The following MYBPC1 variants were observed in gnomAD, a reference collection of about 807,000 sequenced individuals.
MYBPC1 encodes myosin binding protein C1.
In MYBPC1, 52 loss-of-function variants were observed where a neutral mutation model predicts 147.1. That is an observed-to-expected ratio of 0.35 (90% confidence interval 0.28 to 0.45). The LOEUF (loss-of-function observed/expected upper bound fraction) is 0.45. MYBPC1 is among the 20% of genes least tolerant of loss of function. MYBPC1 has a pLI of 1.00. For missense variants in MYBPC1, 1,228 were observed against 1,440.3 expected (o/e 0.85, Z 2.39); for synonymous variants, 477 against 475.9 (o/e 1.00, Z -0.03).
chr12:101,678,261 C>G (rs200603458), intron 28 of MYBPC1, 23 bp downstream of exon 28: 20 of 1,612,602 alleles, frequency 1.2e-5, no homozygotes, highest in Non-Finnish European at 1.7e-5. Flanking sequence ...TCTATCACAT[C>G]AGTTAAAGTC....
chr12:101,644,209 G>A (rs985298219), intron 11 of MYBPC1, among the ~76,000 whole-genome samples: 1 of 151,900 alleles, frequency 6.6e-6, no homozygotes, highest in Non-Finnish European at 1.5e-5. Flanking sequence ...ACTAATTTTT[G>A]TATTTTTAGA....
At chr12:101,620,143 T>C (rs909911901) in intron 3 of MYBPC1, among the ~76,000 whole-genome samples, 1 of 152,178 alleles carries the variant, frequency 6.6e-6, no homozygotes, top group Non-Finnish European at 1.5e-5. Flanking sequence ...TCTTCTGGAA[T>C]TGAAACAAGA....
At chr12:101,673,655 T>A (rs1252085534) in intron 25 of MYBPC1, 33 bp downstream of exon 25, 1 of 1,610,248 alleles carries the variant, frequency 6.2e-7, no homozygotes, top group South Asian at 1.1e-5. Context: ...GAAAGTTCTG[T>A]CAAAGCAGTA....
intron 2 of MYBPC1, chr12:101,614,799 A>T (rs1466761295): frequency 5.7e-6 from 3 of 527,760 alleles, no homozygotes; most frequent in Middle Eastern, 1.0e-3. Context: ...TGTAAAAGTT[A>T]TTATGTCCGC....
chr12:101,617,472 A>C (rs868467294), intron 3 of MYBPC1, among the ~76,000 whole-genome samples: 3 of 152,230 alleles, frequency 2.0e-5, no homozygotes, highest in Non-Finnish European at 4.4e-5. Flanking sequence ...TATCACAAGC[A>C]CTTGTTGAGA....
rs11831983 is a variant in MYBPC1, at chr12:101,657,633, A to G, written c.1768-2039A>G. On this transcript the variant is annotated intron_variant, in intron 18 of 31. Transcript: ENST00000361466. ...TCCTTGAAAGATACAATCTTCTAAA[A>G]CTCACACAAGAAGAAATAGGCAATC... 9.1e-3 allele frequency among the ~76,000 whole-genome samples: 1,386 copies of G among 152,292 alleles called. 13 individuals carry two copies. The highest frequency in any genetic ancestry group is 0.031 in the African/African-American group (1,286 of 41,564).
At chr12:101,604,117 G>A (rs1359346440) in intron 1 of MYBPC1, among the ~76,000 whole-genome samples, 1 of 152,172 alleles carries the variant, frequency 6.6e-6, no homozygotes, top group Non-Finnish European at 1.5e-5. Flanking sequence ...TTAAAACATG[G>A]TAAGAGTAGT....
chr12:101,599,180 T>G (rs1313666927), intron 1 of MYBPC1, among the ~76,000 whole-genome samples: 2 of 152,184 alleles, frequency 1.3e-5, no homozygotes, highest in Non-Finnish European at 2.9e-5. Flanking sequence ...TCTGATAACT[T>G]TAGGAAGCAA....
At chr12:101,603,756 A>G (rs993659946) in intron 1 of MYBPC1, among the ~76,000 whole-genome samples, 3 of 152,172 alleles carry the variant, frequency 2.0e-5, no homozygotes, top group Non-Finnish European at 2.9e-5. Flanking sequence ...AGCCCAAGCA[A>G]CATGGTGAAA....
At position 101,661,916 on chromosome 12, in the gene MYBPC1, G is replaced by GAAAGAAAGAAAGAAAGA. The variant is rs34570818; in HGVS notation, c.2033-435_2033-434insGAAAGAAAGAAAAGAAA. Among the ~76,000 whole-genome samples the GAAAGAAAGAAAGAAAGA allele has an allele frequency of 4.6e-4, 58 of 124,884 alleles. 1 individual carries two copies. The East Asian group carries it at 0.012, about 25-fold the overall frequency. The allele number at this position is 124,884 out of a possible 152,430, so 81.9% of individuals were successfully genotyped here. On this transcript the variant is annotated intron_variant, in intron 20 of 31. Coordinates refer to ENST00000361466, the MANE Select transcript of MYBPC1 (RefSeq NM_002465.4). ...TGTCTCAAAAAAAAAAAAAAAAAAA[G>GAAAGAAAGAAAGAAAGA]AAAGAAAAAATATTTAAATGCTTAG... is the stretch of plus-strand genomic sequence containing the variant.
intron 22 of MYBPC1, 69 bp downstream of exon 22, chr12:101,663,629 T>C: frequency 6.5e-7 from 1 of 1,536,184 alleles, no homozygotes; most frequent in Non-Finnish European, 8.9e-7. Flanking sequence ...CCCTTTCTTT[T>C]GTCTCTCTTT....
At chr12:101,622,640 CAGA>C (rs2135937401) in intron 3 of MYBPC1, among the ~76,000 whole-genome samples, 1 of 152,156 alleles carries the variant, frequency 6.6e-6, no homozygotes, top group African/African-American at 2.4e-5. Flanking sequence ...GAGACCGAGG[CAGA>C]AGAATTGCTT....
At chr12:101,645,403 T>C (rs1892886607) in intron 12 of MYBPC1, among the ~76,000 whole-genome samples, 1 of 152,232 alleles carries the variant, frequency 6.6e-6, no homozygotes, top group Non-Finnish European at 1.5e-5. Context: ...ATCTCCAGTC[T>C]ATTATAAAAC....
intron 29 of MYBPC1, 46 bp downstream of exon 29, chr12:101,680,575 C>A (rs1056285492): frequency 2.5e-6 from 4 of 1,596,486 alleles, no homozygotes; most frequent in Admixed American, 1.7e-5. Context: ...TAAAGAAAAT[C>A]ATTGAATTAT....
intron 1 of MYBPC1, among the ~76,000 whole-genome samples, chr12:101,614,234 C>G (rs1885235466): frequency 6.6e-6 from 1 of 152,158 alleles, no homozygotes; most frequent in Admixed American, 6.5e-5. Context: ...CATCACTACA[C>G]CATGCCACCT....
intron 1 of MYBPC1, among the ~76,000 whole-genome samples, chr12:101,601,744 G>A (rs1880073772): frequency 4.0e-5 from 6 of 151,622 alleles, no homozygotes; most frequent in Admixed American, 3.9e-4. Context: ...TTTTTGATGT[G>A]TATTTAGCTA....
intron 25 of MYBPC1, among the ~76,000 whole-genome samples, chr12:101,675,025 C>T (rs545960771): frequency 3.9e-5 from 6 of 152,150 alleles, no homozygotes; most frequent in South Asian, 2.1e-4. Context: ...GGGTCATTCC[C>T]TTTAAACTAA....
intron 3 of MYBPC1, among the ~76,000 whole-genome samples, chr12:101,618,983 A>G (rs1041166289): frequency 6.6e-6 from 1 of 152,016 alleles, no homozygotes; most frequent in East Asian, 1.9e-4. Context: ...TGGGATAGAA[A>G]GTGACATCCC....
At position 101,680,203 on chromosome 12, in the gene MYBPC1, G is replaced by A; in HGVS notation, c.3247-140G>A. 4.9e-6 allele frequency: 4 copies of A among 810,140 alleles called. No homozygotes were observed. The South Asian group carries it at 6.1e-5, about 12-fold the overall frequency. The allele number at this position is 810,140 out of a possible 1,614,324, so 50.2% of individuals were successfully genotyped here. A position where few individuals can be genotyped will look rare whatever the true frequency, so the allele number is the denominator to read the frequency against. ...TAAGTAGAGTTTAATGTGAGAAATAGTGTCAAGTAAAAGTCTATCCTTCTC... is the reference window on the plus strand; with the variant it reads ...TAAGTAGAGTTTAATGTGAGAAATAATGTCAAGTAAAAGTCTATCCTTCTC... On this transcript the variant is annotated intron_variant, in intron 28 of 31. Coordinates refer to ENST00000361466, the MANE Select transcript of MYBPC1 (RefSeq NM_002465.4).
Sources: gnomAD v4.1 joint callset for allele counts (sites outside exome capture counted in the v4.1 genomes callset) on GRCh38, gnomAD v4.1.1 for gene constraint, MANE v1.5 for transcripts, NCBI Gene and HGNC (gene_info 2026-07-23, HGNC 2026-07-21) for gene names.